The following NUGGC variants were observed in gnomAD, a reference collection of about 807,000 sequenced individuals.
NUGGC encodes nuclear GTPase SLIP-GC.
In NUGGC, 58 loss-of-function variants were observed where a neutral mutation model predicts 92.6. The ratio of observed to expected loss-of-function variants is 0.63; its 90% CI spans 0.51 to 0.78. NUGGC has a LOEUF of 0.78. Among genes scored for constraint, NUGGC ranks in the 30% least tolerant of loss-of-function variants. The probability of loss-of-function intolerance (pLI) is 0.00; values close to 1 mark genes in which losing one functional copy is unlikely to be tolerated. For missense variants in NUGGC, 925 were observed against 964.6 expected (o/e 0.96, Z 0.54); for synonymous variants, 376 against 366.4 (o/e 1.03, Z -0.30).
At chr8:28,074,551 T>G in intron 1 of NUGGC, 95 bp from the exon 2 acceptor site, 1 of 754,798 alleles carries the variant, frequency 1.3e-6, no homozygotes, top group South Asian at 1.5e-5. Flanking sequence ...GTGCGGTATT[T>G]CTGCCCATTC....
chr8:28,058,274 T>TC lies in NUGGC; in HGVS notation c.1099dup (p.Glu367GlyfsTer21). 1.9e-6 allele frequency: 1 copy of TC among 517,126 alleles called. No individual in the cohort carries two copies. Among genetic ancestry groups the TC allele is most frequent in the Non-Finnish European group, 3.0e-6 (1 of 331,946 alleles). The allele number at this position is 517,126 out of a possible 1,614,324, so 32.0% of individuals were successfully genotyped here. ...CATACTTACATTTCCTGCCTTTCTTTCCCTGAAATGAAATTAGAAAAATGT... is the reference window on the plus strand; with the variant it reads ...CATACTTACATTTCCTGCCTTTCTTTCCCCTGAAATGAAATTAGAAAAATGT... On this transcript the variant is annotated frameshift_variant and splice_region_variant, in exon 9 of 19. Transcript: ENST00000413272. LOFTEE classifies it high-confidence loss of function.
At chr8:28,061,289 A>T (rs904254956) in intron 7 of NUGGC, among the ~76,000 whole-genome samples, 6 of 152,254 alleles carry the variant, frequency 3.9e-5, no homozygotes, top group African/African-American at 1.4e-4. Flanking sequence ...GCAAAGGCCA[A>T]TGAACATGAA....
intron 7 of NUGGC, among the ~76,000 whole-genome samples, chr8:28,063,487 G>C (rs1223329051): frequency 6.6e-6 from 1 of 152,216 alleles, no homozygotes; most frequent in Non-Finnish European, 1.5e-5. Flanking sequence ...CACAAGGCCA[G>C]GCCTGAGCCA....
At chr8:28,047,689 G>T in intron 10 of NUGGC, 77 bp from the exon 11 acceptor site, 1 of 831,092 alleles carries the variant, frequency 1.2e-6, no homozygotes, top group Non-Finnish European at 1.9e-6. Flanking sequence ...ACCCACAAGA[G>T]CCTTCAGCCA....
chr8:28,061,866 C>T (rs1207030594), intron 7 of NUGGC, among the ~76,000 whole-genome samples: 1 of 152,190 alleles, frequency 6.6e-6, no homozygotes, highest in East Asian at 1.9e-4. Flanking sequence ...CCCCAGCTCC[C>T]ATCCCACAAA....
intron 1 of NUGGC, among the ~76,000 whole-genome samples, chr8:28,075,456 A>G (rs545342059): frequency 2.3e-4 from 35 of 152,346 alleles, no homozygotes; most frequent in African/African-American, 8.4e-4. Flanking sequence ...CAGACAGGGT[A>G]GAATCTGCTA....
rs577874752 is a variant in NUGGC, at chr8:28,067,706, C to G, written c.519G>C (p.Leu173=). The G allele has an allele frequency of 1.2e-6, 2 of 1,613,828 alleles. No individual in the cohort carries two copies. The highest frequency in any genetic ancestry group is 1.7e-6 in the Non-Finnish European group (2 of 1,179,832). Residue 173 remains leucine (L), a synonymous_variant, in exon 6 of 19, where the codon CTG becomes CTC. Transcript: ENST00000413272. Reference sequence around the variant, plus strand: ...CTCTGCTCAGCTCCTCCGTCCTATGCAGGAGTTTGGTCAGGTTCTTCAGCT... The same window carrying G: ...CTCTGCTCAGCTCCTCCGTCCTATGGAGGAGTTTGGTCAGGTTCTTCAGCT... The part of the protein sequence containing the change: ...REELKNLTKL[L]HRTEELSREE...
chr8:28,047,257 A>C (rs1809863212), intron 11 of NUGGC, among the ~76,000 whole-genome samples: 1 of 152,192 alleles, frequency 6.6e-6, no homozygotes, highest in Non-Finnish European at 1.5e-5. Context: ...GGTGTGAGCC[A>C]CTGCGCCCAG....
chr8:28,069,814 C>T (rs759997682), intron 3 of NUGGC, 162 bp from the exon 4 acceptor site: 48 of 606,290 alleles, frequency 7.9e-5, no homozygotes, highest in Non-Finnish European at 1.2e-4. Context: ...GGGATGGCGG[C>T]TCACTGGAGA....
chr8:28,058,401 T>C (rs1387262582), intron 8 of NUGGC, 125 bp from the exon 9 acceptor site: 1 of 200,760 alleles, frequency 5.0e-6, no homozygotes, highest in African/African-American at 2.4e-5. Flanking sequence ...GTTCTTTCTT[T>C]GACCCAATGC....
chr8:28,027,798 G>A (rs1809306822), intron 17 of NUGGC, among the ~76,000 whole-genome samples: 1 of 152,138 alleles, frequency 6.6e-6, no homozygotes, highest in African/African-American at 2.4e-5. Context: ...ATCAGGGAAC[G>A]AGAGATTCAC....
chr8:28,045,425 A>T, intron 12 of NUGGC, 102 bp downstream of exon 12: 3 of 1,138,158 alleles, frequency 2.6e-6, no homozygotes, highest in Non-Finnish European at 3.7e-6. Flanking sequence ...ATCTTCCTTT[A>T]ATATGAAAAG....
intron 4 of NUGGC, 53 bp from the exon 5 acceptor site, chr8:28,068,491 G>A (rs902861610): frequency 8.6e-6 from 11 of 1,274,982 alleles, no homozygotes; most frequent in Admixed American, 2.0e-5. Flanking sequence ...TTAGAGTGAA[G>A]AGCATTGAAA....
chr8:28,067,096 G>T (rs758499102), intron 6 of NUGGC, among the ~76,000 whole-genome samples: 1 of 152,168 alleles, frequency 6.6e-6, no homozygotes, highest in African/African-American at 2.4e-5. Flanking sequence ...CAATGGGGGC[G>T]ACGGAAGGCA....
intron 9 of NUGGC, among the ~76,000 whole-genome samples, chr8:28,057,189 C>G (rs1255679270): frequency 6.6e-6 from 1 of 152,062 alleles, no homozygotes; most frequent in Non-Finnish European, 1.5e-5. Flanking sequence ...TCATATGTGC[C>G]GTAGATTGAG....
At chr8:28,025,632 G>A (rs1268140175) in intron 18 of NUGGC, among the ~76,000 whole-genome samples, 1 of 47,434 alleles carries the variant, frequency 2.1e-5, no homozygotes, top group Non-Finnish European at 5.4e-5. Flanking sequence ...CTCCTTCCCT[G>A]GAGTCCGTTA....
intron 18 of NUGGC, among the ~76,000 whole-genome samples, chr8:28,024,767 T>C (rs1382141198): frequency 6.6e-6 from 1 of 152,056 alleles, no homozygotes; most frequent in Non-Finnish European, 1.5e-5. Flanking sequence ...GCCTCCCTTC[T>C]CCCCACTGCC....
intron 12 of NUGGC, among the ~76,000 whole-genome samples, chr8:28,042,922 C>A (rs1475436514): frequency 6.6e-6 from 1 of 152,194 alleles, no homozygotes. Context: ...GTTGAATGAT[C>A]TTGAAAACAA....
At chr8:28,080,338 T>C (rs755685886) in intron 1 of NUGGC, among the ~76,000 whole-genome samples, 26 of 152,244 alleles carry the variant, frequency 1.7e-4, no homozygotes, top group Non-Finnish European at 3.2e-4. Context: ...GCATTTTTTC[T>C]GTGTTCAATG....
Sources: allele counts gnomAD v4.1 joint callset (sites outside exome capture counted in the v4.1 genomes callset), GRCh38; gene constraint gnomAD v4.1.1; transcripts MANE v1.5; gene names NCBI Gene and HGNC (gene_info 2026-07-23, HGNC 2026-07-21).